Variants in RNF220 observed in about 807,000 individuals in gnomAD.
RNF220 encodes the protein ring finger protein 220.
In RNF220, 7 loss-of-function variants were observed where a neutral mutation model predicts 67.1. That is an observed-to-expected ratio of 0.10 (90% CI 0.06 to 0.20). The LOEUF is 0.20. Among genes scored for constraint, RNF220 ranks in the 10% least tolerant of loss-of-function variants. The probability of loss-of-function intolerance (pLI) is 1.00; values close to 1 mark genes in which losing one functional copy is unlikely to be tolerated. For synonymous variants in RNF220, 270 were observed against 283.2 expected, an observed-to-expected ratio of 0.95 and a Z score of 0.47; for missense variants, 565 against 740.3, an observed-to-expected ratio of 0.76 and a Z score of 2.75.
At chr1:44,533,641 G>A (rs72689714) in intron 2 of RNF220, among the ~76,000 whole-genome samples, 8,921 of 152,198 alleles carry the variant, frequency 0.059, 303 homozygotes, top group Middle Eastern at 0.099. Flanking sequence ...CCCTGAAGAG[G>A]TTCAAAAGCT....
chr1:44,602,245 G>C lies in RNF220; in HGVS notation c.626-11920G>C, dbSNP rs547611719. ...AAGTCCTGGGTGAGTGTAGAGAATG[G>C]TAGGTAACTGACAAGGTGGGCTGTA... On this transcript the variant is annotated intron_variant, in intron 2 of 14. Transcript: ENST00000361799. Among the ~76,000 whole-genome samples, 22 of 152,274 alleles carry C rather than the reference G, an allele frequency of 1.4e-4. 1 individual carries two copies. The highest frequency in any genetic ancestry group is 5.3e-4 in the African/African-American group (22 of 41,534).
intron 3 of RNF220, among the ~76,000 whole-genome samples, chr1:44,615,623 G>C (rs1643513083): frequency 1.3e-5 from 2 of 152,084 alleles, no homozygotes; most frequent in African/African-American, 4.8e-5. Flanking sequence ...ATAGCATGAG[G>C]GTAGGGAGGG....
intron 6 of RNF220, chr1:44,632,637 G>A (rs1171029522): frequency 1.7e-6 from 1 of 581,766 alleles, no homozygotes; most frequent in Admixed American, 3.0e-5. Flanking sequence ...GGGGCAATAA[G>A]TGCCGGAGAA....
At chr1:44,633,586 GACA>G (rs1644235341) in intron 6 of RNF220, among the ~76,000 whole-genome samples, 1 of 152,222 alleles carries the variant, frequency 6.6e-6, no homozygotes. Flanking sequence ...GCTTTCCAGG[GACA>G]ACAAGGGATC....
At chr1:44,501,568 G>A (rs1237164645) in intron 2 of RNF220, among the ~76,000 whole-genome samples, 1 of 144,830 alleles carries the variant, frequency 6.9e-6, no homozygotes, top group Non-Finnish European at 1.5e-5. Flanking sequence ...AACTGGTCAA[G>A]AAAGGAAAGC....
chr1:44,586,826 G>C lies in RNF220; in HGVS notation c.626-27339G>C, dbSNP rs77796206. ...TAAGGGACAGTAGGCACTGGTTTTG[G>C]AGAAAAGACAAAAGTTCTGAAAATT... On this transcript the variant is annotated intron_variant, in intron 2 of 14. Transcript: ENST00000361799. Among the ~76,000 whole-genome samples the C allele has an allele frequency of 9.6e-3, 1,456 of 152,244 alleles. 57 individuals carry two copies. Among genetic ancestry groups the C allele is most frequent in the East Asian group, 0.084 (433 of 5,176 alleles).
chr1:44,632,136 A>C, intron 5 of RNF220: 2 of 1,528,582 alleles, frequency 1.3e-6, no homozygotes, highest in South Asian at 2.4e-5. Flanking sequence ...GGGTCCCGTT[A>C]GAGCAGCGCC....
At chr1:44,524,242 C>T (rs552521735) in intron 2 of RNF220, among the ~76,000 whole-genome samples, 52 of 152,174 alleles carry the variant, frequency 3.4e-4, no homozygotes, top group Non-Finnish European at 6.2e-4. Context: ...CTCTCTCCTG[C>T]GAACTGCCGC....
At chr1:44,485,203 G>A (rs926536906) in intron 2 of RNF220, among the ~76,000 whole-genome samples, 3 of 152,184 alleles carry the variant, frequency 2.0e-5, no homozygotes, top group Admixed American at 6.5e-5. Flanking sequence ...GAGGAACCCT[G>A]GCTGAGAAAC....
chr1:44,637,813 G>A (rs564312563), intron 8 of RNF220, among the ~76,000 whole-genome samples: 2 of 152,352 alleles, frequency 1.3e-5, no homozygotes, highest in South Asian at 2.1e-4. Context: ...TTCTTTGAGC[G>A]ATTTGGAGAG....
chr1:44,462,842 C>T (rs1015557561), intron 2 of RNF220, among the ~76,000 whole-genome samples: 1 of 150,140 alleles, frequency 6.7e-6, no homozygotes, highest in Non-Finnish European at 1.5e-5. Context: ...TCCTGGCTAA[C>T]ATGGTGAGAC....
intron 2 of RNF220, among the ~76,000 whole-genome samples, chr1:44,601,877 C>T (rs1666946644): frequency 6.6e-6 from 1 of 152,102 alleles, no homozygotes. Context: ...CTGTGCTTAG[C>T]CGCCTGAGTG....
chr1:44,554,511 C>T lies in RNF220; in HGVS notation c.626-59654C>T, dbSNP rs538987339. 2.6e-5 allele frequency among the ~76,000 whole-genome samples: 4 copies of T among 152,188 alleles called. No individual in the cohort carries two copies. The South Asian group carries it at 6.2e-4, about 24-fold the overall frequency. On this transcript the variant is annotated intron_variant, in intron 2 of 14. Transcript: ENST00000361799. Reference sequence around the variant, plus strand: ...ATTCATACTCAATAAAGCTCTCTGTCCTGGAGAAAAAAGCTCCAATGTCAG... The same window carrying T: ...ATTCATACTCAATAAAGCTCTCTGTTCTGGAGAAAAAAGCTCCAATGTCAG...
At position 44,639,312 on chromosome 1, in the gene RNF220, C is replaced by T. The variant is rs114291052; in HGVS notation, c.1126+3150C>T. On this transcript the variant is annotated intron_variant, in intron 8 of 14. Coordinates refer to ENST00000361799, the MANE Select transcript of RNF220 (RefSeq NM_018150.4). ...AGACCTATAGTGGTGAACCATGGTC[C>T]CTCCTGTGTGTTGGTTGCCAGTGAG... Among the ~76,000 whole-genome samples, 655 of 152,310 alleles carry T rather than the reference C, an allele frequency of 4.3e-3. 9 individuals carry two copies. Among genetic ancestry groups the T allele is most frequent in the African/African-American group, 0.014 (601 of 41,560 alleles).
intron 2 of RNF220, among the ~76,000 whole-genome samples, chr1:44,472,542 T>C (rs1359464550): frequency 6.6e-6 from 1 of 152,208 alleles, no homozygotes; most frequent in African/African-American, 2.4e-5. Context: ...CTTCTTTGAA[T>C]GTAGAGTCTT....
rs188492193 is a variant in RNF220 at position 44,622,348 on chromosome 1, G to A, written c.759-394G>A. On this transcript the variant is annotated intron_variant, in intron 3 of 14. Coordinates refer to ENST00000361799, the MANE Select transcript of RNF220 (RefSeq NM_018150.4). This position sits in a 1 kb window ranked among gnomAD's most constrained non-coding sequence, Gnocchi z 4.3. ...GGGAGAATTGACAAGAGCCCTGTCA[G>A]CTCCATCACCCCAATCCCACAGGAG... Among the ~76,000 whole-genome samples, 11 of 152,242 alleles carry A rather than the reference G, an allele frequency of 7.2e-5. No individual in the cohort carries two copies. The highest frequency in any genetic ancestry group is 2.7e-4 in the African/African-American group (11 of 41,458).
chr1:44,591,143 A>G (rs1364505375), intron 2 of RNF220, among the ~76,000 whole-genome samples: 3 of 152,100 alleles, frequency 2.0e-5, no homozygotes, highest in African/African-American at 7.2e-5. Flanking sequence ...GGTAGAGACA[A>G]GGTTTCACCA....
At chr1:44,514,477 T>C (rs1339319854) in intron 2 of RNF220, among the ~76,000 whole-genome samples, 1 of 152,226 alleles carries the variant, frequency 6.6e-6, no homozygotes, top group Non-Finnish European at 1.5e-5. Context: ...TGGTTCAGAA[T>C]GGTTTAGGCT....
chr1:44,580,336 T>A (rs1394313184), intron 2 of RNF220, among the ~76,000 whole-genome samples: 1 of 152,128 alleles, frequency 6.6e-6, no homozygotes, highest in African/African-American at 2.4e-5. Flanking sequence ...CTGGAGTGCC[T>A]ATGGGTCAGG....
Sources: gnomAD v4.1 joint callset for allele counts (sites outside exome capture counted in the v4.1 genomes callset) on GRCh38, gnomAD v4.1.1 for gene constraint, Gnocchi (gnomAD v3.1) non-coding constraint, MANE v1.5 for transcripts, NCBI Gene and HGNC (gene_info 2026-07-23, HGNC 2026-07-21) for gene names.